ZNF782: variants seen among roughly 807,000 people sequenced by gnomAD.
ZNF782 encodes zinc finger protein 782.
A neutral mutation model predicts 13.0 loss-of-function variants in ZNF782; 12 were observed. That is an observed-to-expected ratio of 0.92 (90% CI 0.59 to 1.50). The LOEUF (loss-of-function observed/expected upper bound fraction) is 1.50. ZNF782 is among the 40% of genes most tolerant of loss of function. The pLI is 0.00. For synonymous variants in ZNF782, 284 were observed against 283.0 expected, an observed-to-expected ratio of 1.00 and a Z score of -0.04; for missense variants, 770 against 822.9, an observed-to-expected ratio of 0.94 and a Z score of 0.79.
At chr9:96,831,292 A>G (rs534694716) in intron 4 of ZNF782, among the ~76,000 whole-genome samples, 1 of 152,348 alleles carries the variant, frequency 6.6e-6, no homozygotes, top group South Asian at 2.1e-4. Flanking sequence ...ACCAATCTAT[A>G]TATGTGATAA....
At chr9:96,846,467 T>G (rs1380183666) in intron 3 of ZNF782, among the ~76,000 whole-genome samples, 2 of 152,004 alleles carry the variant, frequency 1.3e-5, no homozygotes, top group African/African-American at 4.8e-5. Context: ...CATAGAAGGA[T>G]TCATATAAAC....
At chr9:96,826,389 G>T (rs1189163721) in intron 5 of ZNF782, among the ~76,000 whole-genome samples, 2 of 151,398 alleles carry the variant, frequency 1.3e-5, no homozygotes, top group African/African-American at 4.9e-5. Flanking sequence ...TCACACTCTG[G>T]GGACTGTTGT....
chr9:96,864,296 CATG>C (rs1851734556), intron 1 of ZNF782, among the ~76,000 whole-genome samples: 1 of 151,754 alleles, frequency 6.6e-6, no homozygotes, highest in Non-Finnish European at 1.5e-5. Flanking sequence ...TATTAATAAA[CATG>C]ATGATTCTAT....
At position 96,819,258 on chromosome 9, in the gene ZNF782, T is replaced by C. The variant is rs757957923; in HGVS notation, c.765A>G (p.Lys255=). 6.2e-7 allele frequency: 1 copy of C among 1,613,190 alleles called. No individual in the cohort carries two copies. The highest frequency in any genetic ancestry group is 8.5e-7 in the Non-Finnish European group (1 of 1,179,786). Residue 255 remains lysine (K), a synonymous_variant, in exon 6 of 6, where the codon AAA becomes AAG. Transcript: ENST00000481138. ...FNKFGENKYD[K]STFIIPQNMN... The stretch of plus-strand genomic sequence containing the variant: ...TGTTCTGAGGAATAATAAAGGTTGA[T>C]TTATCATATTTGTTTTCCCCAAATT...
Position 96,818,124 on chromosome 9 carries a change from T to C in ZNF782, c.1899A>G (p.Leu633=), listed in dbSNP as rs749145217. ...CGKAFSEKSV[L]RKHQRTHTGE... ...CGGTGTGAGTTCGCTGATGTTTTCT[T>C]AGGACTGACTTCTCACTGAAAGCTT... is the stretch of plus-strand genomic sequence containing the variant. The change falls in exon 6 of 6, where the codon CTA becomes CTG. Residue 633 remains leucine, a synonymous_variant. Coordinates refer to ENST00000481138, the MANE Select transcript of ZNF782 (RefSeq NM_001001662.3). 3.2e-5 allele frequency: 52 copies of C among 1,613,374 alleles called. No homozygotes were observed. Among genetic ancestry groups the C allele is most frequent in the Non-Finnish European group, 4.4e-5 (52 of 1,179,842 alleles).
chr9:96,844,078 A>C (rs1851270086), intron 4 of ZNF782, among the ~76,000 whole-genome samples: 1 of 152,196 alleles, frequency 6.6e-6, no homozygotes, highest in Non-Finnish European at 1.5e-5. Flanking sequence ...ACTGTTAAAA[A>C]CAGCAAAATT....
intron 1 of ZNF782, among the ~76,000 whole-genome samples, chr9:96,870,983 T>C (rs1851818721): frequency 6.6e-6 from 1 of 152,214 alleles, no homozygotes; most frequent in African/African-American, 2.4e-5. Flanking sequence ...AGAGAAAATA[T>C]TGGTTATTGA....
At chr9:96,907,335 G>T in the ZNF782 span, among the ~76,000 whole-genome samples, 1 of 152,166 alleles carries the variant, frequency 6.6e-6, no homozygotes, top group Non-Finnish European at 1.5e-5. Context: ...GGGTTGCCAG[G>T]AGCTGGGGAA....
intron 1 of ZNF782, among the ~76,000 whole-genome samples, chr9:96,866,495 A>G (rs1486838634): frequency 6.6e-6 from 1 of 152,148 alleles, no homozygotes; most frequent in Non-Finnish European, 1.5e-5. Flanking sequence ...GACCAAGCAA[A>G]AGTTTGCTGC....
At chr9:96,910,216 G>C in the ZNF782 span, 2 of 746,980 alleles carry the variant, frequency 2.7e-6, no homozygotes, top group African/African-American at 3.6e-5. Flanking sequence ...GGGAGCAGGA[G>C]GCTGACAAGG....
At chr9:96,864,302 G>C (rs893589683) in intron 1 of ZNF782, among the ~76,000 whole-genome samples, 2 of 151,724 alleles carry the variant, frequency 1.3e-5, no homozygotes, top group Admixed American at 6.6e-5. Flanking sequence ...TAAACATGAT[G>C]ATTCTATAAA....
intron 5 of ZNF782, among the ~76,000 whole-genome samples, chr9:96,820,211 G>A (rs543881880): frequency 2.0e-5 from 3 of 152,310 alleles, no homozygotes; most frequent in African/African-American, 4.8e-5. Flanking sequence ...AGGGTTTGCC[G>A]TAGGGAGTAA....
the ZNF782 span, chr9:96,892,903 T>C: frequency 4.0e-5 from 6 of 150,814 alleles, no homozygotes; most frequent in South Asian, 4.2e-4. Flanking sequence ...TTTTTTTTTT[T>C]AACCTGAAAA....
At chr9:96,852,307 G>T (rs1187508152) in intron 2 of ZNF782, among the ~76,000 whole-genome samples, 1 of 152,154 alleles carries the variant, frequency 6.6e-6, no homozygotes, top group Non-Finnish European at 1.5e-5. Context: ...AGGATTAGTT[G>T]AATTAAAGTA....
intron 1 of ZNF782, among the ~76,000 whole-genome samples, chr9:96,865,471 T>A (rs1353633936): frequency 6.6e-6 from 1 of 152,202 alleles, no homozygotes; most frequent in Non-Finnish European, 1.5e-5. Context: ...CCTTTTGCAG[T>A]GATTGTGAGG....
At chr9:96,824,997 T>A (rs1850565660) in intron 5 of ZNF782, among the ~76,000 whole-genome samples, 1 of 151,794 alleles carries the variant, frequency 6.6e-6, no homozygotes, top group Admixed American at 6.6e-5. Flanking sequence ...CATTTATAGA[T>A]TCAATGCCAT....
chr9:96,902,443 T>G, the ZNF782 span, among the ~76,000 whole-genome samples: 1 of 103,422 alleles, frequency 9.7e-6, no homozygotes. Flanking sequence ...AAAAAAAAGA[T>G]ACTGGGAATG....
At chr9:96,912,197 C>CG in the ZNF782 span, among the ~76,000 whole-genome samples, 17 of 100,128 alleles carry the variant, frequency 1.7e-4, no homozygotes, top group East Asian at 2.0e-3. Flanking sequence ...AACTCCGTCT[C>CG]GAAAAAAAAA....
chr9:96,893,146 C>T, the ZNF782 span: 1 of 152,148 alleles, frequency 6.6e-6, no homozygotes, highest in Non-Finnish European at 1.5e-5. Context: ...GGCTTCTGAA[C>T]ATTTAAGACT....
Sources: gnomAD v4.1 joint callset for allele counts (sites outside exome capture counted in the v4.1 genomes callset) on GRCh38, gnomAD v4.1.1 for gene constraint, MANE v1.5 for transcripts, NCBI Gene and HGNC (gene_info 2026-07-23, HGNC 2026-07-21) for gene names.